Variants in PPP4R4 observed in about 807,000 individuals in gnomAD.
PPP4R4 encodes the protein serine/threonine-protein phosphatase 4 regulatory subunit 4.
Under a neutral mutation model 121.8 loss-of-function variants are expected in PPP4R4, and 70 were observed. That is an observed-to-expected ratio of 0.57 (90% CI 0.47 to 0.70). The LOEUF (loss-of-function observed/expected upper bound fraction) is 0.70, where lower values mean the gene tolerates loss of function less well. Among genes scored for constraint, PPP4R4 ranks in the 30% least tolerant of loss-of-function variants. The probability of loss-of-function intolerance (pLI) is 0.00; values close to 1 mark genes in which losing one functional copy is unlikely to be tolerated. For missense variants in PPP4R4, 875 were observed against 1,033.6 expected, an observed-to-expected ratio of 0.85 and a Z score of 2.10; for synonymous variants, 348 against 355.7, an observed-to-expected ratio of 0.98 and a Z score of 0.24.
intron 16 of PPP4R4, among the ~76,000 whole-genome samples, chr14:94,254,376 C>T (rs1002377452): frequency 2.0e-5 from 3 of 152,142 alleles, no homozygotes; most frequent in Non-Finnish European, 4.4e-5. Context: ...AAGCCTTTTC[C>T]ACAGCTGCCA....
intron 2 of PPP4R4, 148 bp downstream of exon 2, chr14:94,176,275 T>C: frequency 1.7e-6 from 1 of 597,734 alleles, no homozygotes; most frequent in Non-Finnish European, 3.0e-6. Flanking sequence ...TTAACTATAT[T>C]ATAAATTAGA....
At chr14:94,250,059 A>G in intron 14 of PPP4R4, 113 bp from the exon 15 acceptor site, 1 of 650,314 alleles carries the variant, frequency 1.5e-6, no homozygotes, top group Non-Finnish European at 2.8e-6. Context: ...CAGTGAGTTG[A>G]GAGGCAGTGA....
At chr14:94,197,589 A>G (rs1889952562) in intron 2 of PPP4R4, among the ~76,000 whole-genome samples, 2 of 152,128 alleles carry the variant, frequency 1.3e-5, no homozygotes, top group Admixed American at 6.5e-5. Context: ...AGTAAACTAC[A>G]TATATTTAAA....
Position 94,241,918 on chromosome 14 carries a change from A to G in PPP4R4, c.1107A>G (p.Lys369=). The change falls in exon 10 of 25, where the codon AAA becomes AAG. Residue 369 remains lysine (K), a synonymous_variant. Transcript: ENST00000304338. ...CCCAAATCCTAGAGCAGGAGAAGAA[A>G]TATATTTCAGTACGGAAGAACTGTG... ...IPPQILEQEK[K]YISVRKNCAY... is the part of the protein sequence containing the mutation. 1 of 1,608,434 alleles carries G rather than the reference A, an allele frequency of 6.2e-7. No individual in the cohort carries two copies.
chr14:94,237,757 A>C, intron 8 of PPP4R4, 71 bp downstream of exon 8: 1 of 1,508,570 alleles, frequency 6.6e-7, no homozygotes, highest in Non-Finnish European at 9.0e-7. Context: ...ACTAATAAGG[A>C]ATAAAAGTAG....
At chr14:94,201,271 A>G (rs1321507962) in intron 2 of PPP4R4, among the ~76,000 whole-genome samples, 2 of 152,102 alleles carry the variant, frequency 1.3e-5, no homozygotes, top group African/African-American at 2.4e-5. Flanking sequence ...AGAATATTCC[A>G]TGTGCTGATG....
intron 23 of PPP4R4, 146 bp downstream of exon 23, chr14:94,267,175 A>G (rs1217823289): frequency 3.6e-6 from 2 of 556,552 alleles, no homozygotes; most frequent in African/African-American, 3.9e-5. Flanking sequence ...ACTTTTGTCT[A>G]GCAATTGAGA....
chr14:94,235,796 T>C (rs73344808), intron 7 of PPP4R4, among the ~76,000 whole-genome samples: 1 of 152,012 alleles, frequency 6.6e-6, no homozygotes, highest in Non-Finnish European at 1.5e-5. Context: ...ATCTTAGAAG[T>C]GTGATATTAA....
intron 2 of PPP4R4, among the ~76,000 whole-genome samples, chr14:94,207,698 ATATC>A (rs1382180515): frequency 6.6e-6 from 1 of 151,536 alleles, no homozygotes; most frequent in Non-Finnish European, 1.5e-5. Context: ...ATATATATCT[ATATC>A]TATCTATCTA....
intron 16 of PPP4R4, among the ~76,000 whole-genome samples, chr14:94,255,114 C>A (rs1040973737): frequency 6.6e-6 from 1 of 152,210 alleles, no homozygotes; most frequent in African/African-American, 2.4e-5. Flanking sequence ...CATTGCATAT[C>A]TGATAGAAAT....
intron 7 of PPP4R4, among the ~76,000 whole-genome samples, chr14:94,235,289 C>A (rs1048768084): frequency 6.6e-6 from 1 of 151,374 alleles, no homozygotes. Context: ...AGATGTGGAA[C>A]CTGCAGATGT....
rs376877084 is a variant in PPP4R4 at position 94,176,902 on chromosome 14, CT to C, written c.191+784del. On this transcript the variant is annotated intron_variant, in intron 2 of 24. Transcript: ENST00000304338. ...TTTCCCTTTTGGCAAATTAGTCACTCTTTTTTTTTCCAGAATCAGGTTTTGA... is the reference window on the plus strand; with the variant it reads ...TTTCCCTTTTGGCAAATTAGTCACTCTTTTTTTTCCAGAATCAGGTTTTGA... Among the ~76,000 whole-genome samples, 882 of 151,518 alleles carry C rather than the reference CT, an allele frequency of 5.8e-3. 10 individuals are homozygous for C. Among genetic ancestry groups the C allele is most frequent in the African/African-American group, 0.021 (849 of 41,304 alleles).
chr14:94,274,264 C>T (rs1566709411), intron 23 of PPP4R4, among the ~76,000 whole-genome samples: 1 of 151,728 alleles, frequency 6.6e-6, no homozygotes, highest in Non-Finnish European at 1.5e-5. Context: ...TTATCTTGAC[C>T]ATAAAACAAA....
chr14:94,234,762 T>G lies in PPP4R4; in HGVS notation c.731+93T>G, dbSNP rs1892238720. 3 of 853,388 alleles carry G rather than the reference T, an allele frequency of 3.5e-6. No individual in the cohort carries two copies. The Admixed American group carries it at 6.9e-5, about 20-fold the overall frequency. 52.9% of individuals were successfully genotyped at this position (853,388 alleles called of 1,614,324 possible). A position where few individuals can be genotyped will look rare whatever the true frequency, so the allele number is the denominator to read the frequency against. On this transcript the variant is annotated intron_variant, in intron 7 of 24. Coordinates refer to ENST00000304338, the MANE Select transcript of PPP4R4 (RefSeq NM_058237.2). ...TTTAAAAATGATCATAACAAGTACCTCCTCTATGTCTGGATTAAAAGAGAT... is the reference window on the plus strand; with the variant it reads ...TTTAAAAATGATCATAACAAGTACCGCCTCTATGTCTGGATTAAAAGAGAT...
chr14:94,179,319 A>C (rs1019039020), intron 2 of PPP4R4, among the ~76,000 whole-genome samples: 16 of 152,208 alleles, frequency 1.1e-4, no homozygotes, highest in Non-Finnish European at 2.2e-4. Context: ...GGAATCATAC[A>C]GTATATGGCC....
chr14:94,175,599 T>C (rs1888637904), intron 1 of PPP4R4: 1 of 157,960 alleles, frequency 6.3e-6, no homozygotes, highest in Admixed American at 6.3e-5. Flanking sequence ...TTTATTTCCT[T>C]CCCTCCCCCA....
chr14:94,205,614 T>A (rs1388713899), intron 2 of PPP4R4, among the ~76,000 whole-genome samples: 2 of 151,694 alleles, frequency 1.3e-5, no homozygotes, highest in African/African-American at 2.4e-5. Flanking sequence ...TGATTTGAGA[T>A]GTTCCATTTT....
intron 2 of PPP4R4, among the ~76,000 whole-genome samples, chr14:94,205,331 A>G (rs896645147): frequency 1.2e-4 from 18 of 152,170 alleles, no homozygotes; most frequent in Non-Finnish European, 2.5e-4. Context: ...ATATGTATAG[A>G]AGTATTCATA....
At chr14:94,237,783 T>C (rs1366255933) in intron 8 of PPP4R4, 97 bp downstream of exon 8, 2 of 1,416,012 alleles carry the variant, frequency 1.4e-6, no homozygotes, top group African/African-American at 2.9e-5. Context: ...GAATTTCCTA[T>C]GTTAAGCCTC....
Sources: allele counts gnomAD v4.1 joint callset (sites outside exome capture counted in the v4.1 genomes callset), GRCh38; gene constraint gnomAD v4.1.1; transcripts MANE v1.5; gene names NCBI Gene and HGNC (gene_info 2026-07-23, HGNC 2026-07-21).